HOMER2: variants seen among roughly 807,000 people sequenced by gnomAD.
HOMER2 encodes the protein homer scaffold protein 2.
In HOMER2, 27 loss-of-function variants were observed where a neutral mutation model predicts 47.0. That is an observed-to-expected ratio of 0.57 (90% CI 0.42 to 0.79). The LOEUF is 0.79. Ranked by LOEUF, HOMER2 falls within the 30% of genes least tolerant of loss-of-function variation. The probability of loss-of-function intolerance (pLI) is 0.00; values close to 1 mark genes in which losing one functional copy is unlikely to be tolerated. For synonymous variants in HOMER2, 161 were observed against 163.8 expected, an observed-to-expected ratio of 0.98 and a Z score of 0.13; for missense variants, 443 against 435.0, an observed-to-expected ratio of 1.02 and a Z score of -0.16.
chr15:82,848,031 C>G (rs561715130), downstream of HOMER2, among the ~76,000 whole-genome samples: 4 of 152,346 alleles, frequency 2.6e-5, no homozygotes, highest in East Asian at 5.8e-4. Flanking sequence ...TGTACTCAAC[C>G]AAAGCCCCCA....
rs190485485 is a variant in HOMER2 at position 82,870,727 on chromosome 15, C to G, written c.294+4546G>C. Among the ~76,000 whole-genome samples, 1,728 of 152,272 alleles carry G rather than the reference C, an allele frequency of 0.011. 130 individuals are homozygous for G. In the South Asian group the frequency reaches 0.23, roughly 20 times the overall value. On this transcript the variant is annotated intron_variant, in intron 3 of 8. Transcript: ENST00000450735. ...GGGAGGAGATAAAACAATGTTCTTA[C>G]GATACTGAGTGAATAAAGTGACTAC... is the stretch of plus-strand genomic sequence containing the variant.
rs185414724 is a variant in HOMER2 at position 82,849,601 on chromosome 15, C to A, written c.*114G>T. On this transcript the variant is annotated 3_prime_UTR_variant, in exon 9 of 9. Transcript: ENST00000450735. ...GGACGGCACAACTGGTTTGGAAACA[C>A]GACAAACTGCGCCTGCATTTACAGA... 1.7e-5 allele frequency: 15 copies of A among 892,358 alleles called. No individual in the cohort carries two copies. The highest frequency in any genetic ancestry group is 2.3e-5 in the Non-Finnish European group (14 of 599,860). The allele number at this position is 892,358 out of a possible 1,614,324, so 55.3% of individuals were successfully genotyped here.
intron 1 of HOMER2, among the ~76,000 whole-genome samples, chr15:82,947,423 A>C (rs2054406617): frequency 6.6e-6 from 1 of 152,250 alleles, no homozygotes; most frequent in African/African-American, 2.4e-5. Context: ...GGCTGAACAA[A>C]ATAAGTGAGT....
At chr15:82,919,284 C>A (rs948595724) in intron 1 of HOMER2, among the ~76,000 whole-genome samples, 3 of 152,262 alleles carry the variant, frequency 2.0e-5, no homozygotes, top group African/African-American at 7.2e-5. Flanking sequence ...CTCTACCCAA[C>A]ACCTCTCTCT....
intron 4 of HOMER2, among the ~76,000 whole-genome samples, chr15:82,860,956 T>TGAGAGA (rs56063630): frequency 1.4e-4 from 6 of 42,386 alleles, no homozygotes; most frequent in Admixed American, 2.5e-4. Flanking sequence ...AGATAGAAGA[T>TGAGAGA]GAGAGAGAGA....
At chr15:82,935,568 A>C in intron 1 of HOMER2, among the ~76,000 whole-genome samples, 1 of 150,512 alleles carries the variant, frequency 6.6e-6, no homozygotes, top group East Asian at 1.9e-4. Context: ...CTCCACCTCC[A>C]CTCACCCCCT....
chr15:82,870,606 G>T lies in HOMER2; in HGVS notation c.294+4667C>A, dbSNP rs116960861. Among the ~76,000 whole-genome samples, 44 of 152,326 alleles carry T rather than the reference G, an allele frequency of 2.9e-4. No homozygotes were observed. In the East Asian group the frequency reaches 7.7e-3, roughly 27 times the overall value. ...TTTAAGCACGGTGATTAGGTTACCT[G>T]TTACTTGCAGCCAAAAGCTTTCTAC... On this transcript the variant is annotated intron_variant, in intron 3 of 8. Coordinates refer to ENST00000450735, the MANE Select transcript of HOMER2 (RefSeq NM_004839.4).
chr15:82,852,496 A>G (rs1357494819), intron 6 of HOMER2: 5 of 413,886 alleles, frequency 1.2e-5, no homozygotes, highest in African/African-American at 2.1e-5. Flanking sequence ...GCAGAGCCAA[A>G]TAAGTAATAA....
chr15:82,914,671 C>T (rs1324991562), intron 1 of HOMER2, among the ~76,000 whole-genome samples: 2 of 152,094 alleles, frequency 1.3e-5, no homozygotes, highest in African/African-American at 2.4e-5. Context: ...AAGCTTAATG[C>T]CACTGAACTG....
intron 2 of HOMER2, among the ~76,000 whole-genome samples, chr15:82,884,593 C>T (rs2052594815): frequency 2.3e-5 from 1 of 42,832 alleles, no homozygotes; most frequent in Non-Finnish European, 3.8e-5. Flanking sequence ...TTGTAGTTCT[C>T]CTTGAAGAGG....
chr15:82,848,359 T>C (rs1262832527), downstream of HOMER2, among the ~76,000 whole-genome samples: 1 of 151,870 alleles, frequency 6.6e-6, no homozygotes, highest in East Asian at 1.9e-4. Context: ...CACCAAAGCC[T>C]CCCCCCTGCT....
At chr15:82,977,224 A>G (rs1022870331) in intron 1 of HOMER2, among the ~76,000 whole-genome samples, 6 of 152,202 alleles carry the variant, frequency 3.9e-5, no homozygotes, top group Middle Eastern at 3.2e-3. Flanking sequence ...TTTCTAGCCA[A>G]TGGTGGTTTA....
intron 2 of HOMER2, among the ~76,000 whole-genome samples, chr15:82,877,488 A>T (rs2052389042): frequency 6.6e-6 from 1 of 152,146 alleles, no homozygotes; most frequent in African/African-American, 2.4e-5. Flanking sequence ...GAAAGGTTAA[A>T]CTAACTTGCT....
chr15:82,978,090 T>C (rs890874858), intron 1 of HOMER2, among the ~76,000 whole-genome samples: 1 of 152,102 alleles, frequency 6.6e-6, no homozygotes, highest in East Asian at 1.9e-4. Context: ...GCAGAGGTTA[T>C]GGCGAGTCGA....
At chr15:82,964,336 G>T (rs1482719016) in intron 1 of HOMER2, among the ~76,000 whole-genome samples, 2 of 152,234 alleles carry the variant, frequency 1.3e-5, no homozygotes, top group African/African-American at 2.4e-5. Context: ...CTCCAGATCA[G>T]AAAGGGTTAC....
rs193080657 is a variant in HOMER2, at chr15:82,948,994, G to A, written c.5+3537C>T. Among the ~76,000 whole-genome samples, 225 of 152,320 alleles carry A rather than the reference G, an allele frequency of 1.5e-3. 1 individual carries two copies. The highest frequency in any genetic ancestry group is 5.3e-3 in the African/African-American group (219 of 41,570). Reference sequence around the variant, plus strand: ...AGTGGGAACTATGGCTATGGGGTGAGGTGAATGCACTCCAGATATATCCCG... The same window carrying A: ...AGTGGGAACTATGGCTATGGGGTGAAGTGAATGCACTCCAGATATATCCCG... On this transcript the variant is annotated intron_variant, in intron 1 of 8. Coordinates refer to ENST00000450735, the MANE Select transcript of HOMER2 (RefSeq NM_004839.4).
chr15:82,902,844 TTACA>T (rs2053165240), intron 1 of HOMER2, among the ~76,000 whole-genome samples: 3 of 152,116 alleles, frequency 2.0e-5, no homozygotes, highest in Admixed American at 6.5e-5. Context: ...AGATATCTAC[TTACA>T]TACTTTGTTC....
At chr15:82,934,725 C>T (rs964257916) in intron 1 of HOMER2, among the ~76,000 whole-genome samples, 4 of 152,222 alleles carry the variant, frequency 2.6e-5, no homozygotes, top group Admixed American at 1.3e-4. Flanking sequence ...CCCACACCCA[C>T]GCCACTGGGC....
chr15:82,982,086 T>C (rs1210810451), intron 1 of HOMER2, among the ~76,000 whole-genome samples: 2 of 152,228 alleles, frequency 1.3e-5, no homozygotes, highest in Non-Finnish European at 2.9e-5. Context: ...AAAAAAACAC[T>C]ATAAATTTCA....
Sources: allele counts gnomAD v4.1 joint callset (sites outside exome capture counted in the v4.1 genomes callset), GRCh38; gene constraint gnomAD v4.1.1; transcripts MANE v1.5; gene names NCBI Gene and HGNC (gene_info 2026-07-23, HGNC 2026-07-21).